The following PTCH1 variants were observed in gnomAD, a reference collection of about 807,000 sequenced individuals.
The protein encoded by PTCH1 is patched 1.
PTCH1 carries 14 observed loss-of-function variants against 144.6 expected under a neutral mutation model. The ratio of observed to expected loss-of-function variants is 0.10; its 90% confidence interval spans 0.06 to 0.15. The LOEUF (loss-of-function observed/expected upper bound fraction) is 0.15. Ranked by LOEUF, PTCH1 falls within the 10% of genes least tolerant of loss-of-function variation. PTCH1 has a pLI of 1.00. For synonymous variants in PTCH1, 833 were observed against 793.6 expected (o/e 1.05, Z -0.83); for missense variants, 1,623 against 1,948.3 (o/e 0.83, Z 3.14).
At chr9:95,509,548 ATTCC>A (rs971477579), upstream of PTCH1, among the ~76,000 whole-genome samples, 1 of 152,164 alleles carries the variant, frequency 6.6e-6, no homozygotes, top group African/African-American at 2.4e-5. Context: ...TTTCTCTCTT[ATTCC>A]TTTTCTTTTC....
intron 15 of PTCH1, among the ~76,000 whole-genome samples, chr9:95,464,524 A>C (rs1839825740): frequency 6.6e-6 from 1 of 152,248 alleles, no homozygotes; most frequent in Non-Finnish European, 1.5e-5. Flanking sequence ...CCCTAGAAGT[A>C]AAATGTTAAT....
At chr9:95,507,422 GA>G (rs1237560577) in intron 1 of PTCH1, 1 of 985,348 alleles carries the variant, frequency 1.0e-6, no homozygotes, top group African/African-American at 1.7e-5. Context: ...GCCTTCCCTG[GA>G]TTCCACACAT....
At position 95,458,241 on chromosome 9, in the gene PTCH1, G is replaced by A. The variant is rs756766331; in HGVS notation, c.2940C>T (p.Gly980=). The change falls in exon 18 of 24, where the codon GGC becomes GGT. Residue 980 remains glycine (G), a synonymous_variant. Transcript: ENST00000331920. The surrounding 1 kb of genome is among the most constrained non-coding windows in gnomAD (Gnocchi z 4.7). ...EYAQFPFYLN[G]LRDTSDFVEA... ...CCACAAAGTCTGAGGTGTCCCGCAA[G>A]CCGTTGAGGTAGAAAGGGAACTGGG... 3 of 1,614,140 alleles carry A rather than the reference G, an allele frequency of 1.9e-6. No homozygotes were observed. The highest frequency in any genetic ancestry group is 2.5e-6 in the Non-Finnish European group (3 of 1,180,040).
chr9:95,480,434 C>A lies in PTCH1; in HGVS notation c.901G>T (p.Asp301Tyr), dbSNP rs767601899. ...YMDRPCLNPA[D>Y]PDCPATAPNK... Reference sequence around the variant, plus strand: ...GGGGCTGTGGCGGGGCAGTCTGGATCGGCCGGATTGAGGCAGGGGCGGTCC... The same window carrying A: ...GGGGCTGTGGCGGGGCAGTCTGGATAGGCCGGATTGAGGCAGGGGCGGTCC... Residue 301 changes from aspartate (D) to tyrosine (Y), a missense_variant, in exon 6 of 24, where the codon GAT becomes TAT. Coordinates refer to ENST00000331920, the MANE Select transcript of PTCH1 (RefSeq NM_000264.5). 1 of 1,611,076 alleles carries A rather than the reference C, an allele frequency of 6.2e-7. No individual in the cohort carries two copies. Among genetic ancestry groups the A allele is most frequent in the Non-Finnish European group, 8.5e-7 (1 of 1,179,636 alleles).
At chr9:95,516,741 C>G (rs1844384200) in exon 1 of PTCH1, 1 of 1,613,286 alleles carries the variant, frequency 6.2e-7, no homozygotes, top group African/African-American at 1.3e-5. Flanking sequence ...AAAACCCCGG[C>G]GCGCTGGGCC....
chr9:95,508,747 C>A lies in PTCH1; in HGVS notation c.-386G>T, dbSNP rs1023059072. ...CCTTGCGGTCCCCAACTCCCCCTACCCGCCCCCCGCCCCGCGCCGCGACCC... is the reference window on the plus strand; with the variant it reads ...CCTTGCGGTCCCCAACTCCCCCTACACGCCCCCCGCCCCGCGCCGCGACCC... On this transcript the variant is annotated 5_prime_UTR_variant, in exon 1 of 24. Coordinates refer to ENST00000331920, the MANE Select transcript of PTCH1 (RefSeq NM_000264.5). The A allele has an allele frequency of 1.1e-6, 1 of 895,578 alleles. No homozygotes were observed. The highest frequency in any genetic ancestry group is 1.8e-5 in the African/African-American group (1 of 55,452). The allele number at this position is 895,578 out of a possible 1,614,324, so 55.5% of individuals were successfully genotyped here. A position where few individuals can be genotyped will look rare whatever the true frequency, so the allele number is the denominator to read the frequency against.
intron 2 of PTCH1, among the ~76,000 whole-genome samples, chr9:95,490,102 G>A (rs896932760): frequency 3.3e-5 from 5 of 151,192 alleles, no homozygotes; most frequent in Non-Finnish European, 5.9e-5. Context: ...GCACCTGGCC[G>A]GACTATGGAT....
chr9:95,490,556 CAA>C (rs1554703798), intron 2 of PTCH1, among the ~76,000 whole-genome samples: 6 of 141,056 alleles, frequency 4.3e-5, no homozygotes, highest in African/African-American at 1.6e-4. Context: ...CACACACACA[CAA>C]AAGAAAGATA....
Position 95,479,165 on chromosome 9 carries a change from G to T in PTCH1, c.1068-18C>A. ...CATGGGCGCTGCAGCACAGTCCAAG[G>T]GAAGGCACATCATCAGTATTCCCAG... On this transcript the variant is annotated intron_variant, in intron 7 of 23. Coordinates refer to ENST00000331920, the MANE Select transcript of PTCH1 (RefSeq NM_000264.5). 2 of 1,614,028 alleles carry T rather than the reference G, an allele frequency of 1.2e-6. No homozygotes were observed. Among genetic ancestry groups the T allele is most frequent in the Non-Finnish European group, 8.5e-7 (1 of 1,180,008 alleles).
chr9:95,455,969 C>T (rs539216692), intron 19 of PTCH1, among the ~76,000 whole-genome samples: 8 of 152,324 alleles, frequency 5.3e-5, no homozygotes, highest in Non-Finnish European at 8.8e-5. Flanking sequence ...CGTCAGGAAT[C>T]GTGGGGGTAT....
At position 95,475,529 on chromosome 9, in the gene PTCH1, C is replaced by T. The variant is rs535181072; in HGVS notation, c.1728+505G>A. 1.1e-4 allele frequency among the ~76,000 whole-genome samples: 16 copies of T among 152,298 alleles called. No individual in the cohort carries two copies. In the South Asian group the frequency reaches 2.7e-3, roughly 26 times the overall value. Reference sequence around the variant, plus strand: ...AATTCTCCACAGAGCCTCGCCAGTTCGCGGTCCTGCAGTGCCGTCTGACAT... The same window carrying T: ...AATTCTCCACAGAGCCTCGCCAGTTTGCGGTCCTGCAGTGCCGTCTGACAT... On this transcript the variant is annotated intron_variant, in intron 12 of 23. Coordinates refer to ENST00000331920, the MANE Select transcript of PTCH1 (RefSeq NM_000264.5).
intron 1 of PTCH1, chr9:95,507,313 G>A: frequency 2.0e-6 from 2 of 985,378 alleles, no homozygotes; most frequent in Non-Finnish European, 2.4e-6. Flanking sequence ...AAAAACAGCC[G>A]AGTGCAAAGG....
intron 2 of PTCH1, among the ~76,000 whole-genome samples, chr9:95,505,900 C>A (rs1843552920): frequency 1.4e-5 from 2 of 147,450 alleles, no homozygotes; most frequent in Admixed American, 6.7e-5. Context: ...CGGCCCTCCC[C>A]AGCGCGGCGG....
chr9:95,457,438 A>G (rs1839039402), intron 18 of PTCH1, among the ~76,000 whole-genome samples: 1 of 152,264 alleles, frequency 6.6e-6, no homozygotes. Context: ...CATAGTTCAC[A>G]GAATTTAAAC....
At chr9:95,510,180 C>T (rs1451449028), upstream of PTCH1, among the ~76,000 whole-genome samples, 9 of 152,088 alleles carry the variant, frequency 5.9e-5, no homozygotes, top group Admixed American at 6.5e-5. Context: ...GAATTGTTTC[C>T]TTGAGAGAGT....
intron 15 of PTCH1, among the ~76,000 whole-genome samples, chr9:95,463,853 C>G (rs1252973353): frequency 1.3e-5 from 2 of 152,164 alleles, no homozygotes; most frequent in African/African-American, 2.4e-5. Flanking sequence ...GCAGCTGGAG[C>G]CACTCACTGG....
intron 18 of PTCH1, among the ~76,000 whole-genome samples, chr9:95,456,964 G>A (rs1199898770): frequency 1.3e-5 from 2 of 152,156 alleles, no homozygotes; most frequent in Non-Finnish European, 2.9e-5. Context: ...TGATGTGGGG[G>A]CCAGGTAAGC....
At position 95,508,257 on chromosome 9, in the gene PTCH1, C is replaced by T. The variant is rs1452780161; in HGVS notation, c.105G>A (p.Arg35=). The T allele has an allele frequency of 3.1e-6, 5 of 1,593,252 alleles. No homozygotes were observed. Among genetic ancestry groups the T allele is most frequent in the Non-Finnish European group, 4.3e-6 (5 of 1,172,280 alleles). Reference sequence around the variant, plus strand: ...CGGCAGCACGGCGCAGCCCCCCCGTCCGTCTGCGCCTCCCGCCTCCAGCCG... The same window carrying T: ...CGGCAGCACGGCGCAGCCCCCCCGTTCGTCTGCGCCTCCCGCCTCCAGCCG... ...GRPAGGGRRR[R]TGGLRRAAAP... Residue 35 remains arginine (R), a synonymous_variant, in exon 1 of 24, where the codon CGG becomes CGA. Transcript: ENST00000331920.
intron 2 of PTCH1, among the ~76,000 whole-genome samples, chr9:95,490,291 A>G (rs932513524): frequency 6.6e-6 from 1 of 151,820 alleles, no homozygotes; most frequent in African/African-American, 2.4e-5. Flanking sequence ...TGGGCAACAC[A>G]GATAAACGTA....
Sources: allele counts gnomAD v4.1 joint callset (sites outside exome capture counted in the v4.1 genomes callset), GRCh38; gene constraint gnomAD v4.1.1; non-coding constraint Gnocchi (gnomAD v3.1); transcripts MANE v1.5; gene names NCBI Gene and HGNC (gene_info 2026-07-23, HGNC 2026-07-21).